TPM4: variants seen among roughly 807,000 people sequenced by gnomAD.
TPM4 encodes the protein tropomyosin 4, also known as tropomyosin alpha-4 chain.
Under a neutral mutation model 35.8 loss-of-function variants are expected in TPM4, and 17 were observed. That is an observed-to-expected ratio of 0.47 (90% CI 0.32 to 0.71). The LOEUF is 0.71. Among genes scored for constraint, TPM4 ranks in the 30% least tolerant of loss-of-function variants. TPM4 has a pLI of 0.03. For missense variants in TPM4, 240 were observed against 320.9 expected (o/e 0.75, Z 1.93); for synonymous variants, 120 against 122.9 (o/e 0.98, Z 0.15).
intron 1 of TPM4, 92 bp downstream of exon 1, chr19:16,076,789 C>T: frequency 3.1e-6 from 4 of 1,281,204 alleles, no homozygotes; most frequent in South Asian, 2.3e-5. Context: ...CGCCCGCGCG[C>T]AGTCCTCGGG....
At chr19:16,081,118 G>C (rs1227738035) in intron 1 of TPM4, 2 of 398,400 alleles carry the variant, frequency 5.0e-6, no homozygotes, top group Non-Finnish European at 8.8e-6. Context: ...CCATAGTCTT[G>C]CATTTATCTT....
chr19:16,101,115 G>A, intron 7 of TPM4, 149 bp from the exon 8 acceptor site: 1 of 540,280 alleles, frequency 1.9e-6, no homozygotes, highest in Non-Finnish European at 3.2e-6. Context: ...AGGTTGCAGT[G>A]AGCCAAGATC....
chr19:16,090,169 G>A (rs2090608092), intron 5 of TPM4, among the ~76,000 whole-genome samples: 1 of 152,072 alleles, frequency 6.6e-6, no homozygotes. Context: ...GGCTGGAAGT[G>A]TAGTGGCGTG....
chr19:16,091,267 G>C (rs182631082), intron 5 of TPM4, among the ~76,000 whole-genome samples: 1 of 151,836 alleles, frequency 6.6e-6, no homozygotes, highest in Non-Finnish European at 1.5e-5. Context: ...GGCCAGGCTC[G>C]TCTCAAACTC....
rs1407670992 is a variant in TPM4 at position 16,070,220 on chromosome 19, A to G, written c.114+2482A>G. On this transcript the variant is annotated intron_variant, in intron 2 of 2. Transcript: ENST00000589897. The surrounding 1 kb of genome is among the most constrained non-coding windows in gnomAD (Gnocchi z 7.4). ...TCCTGGCAGCCAAGAGCCCACACAG[A>G]CCCAGAACTTTGGAGACAAGAGTCC... Among the ~76,000 whole-genome samples, 1 of 152,148 alleles carries G rather than the reference A, an allele frequency of 6.6e-6. No homozygotes were observed. Among genetic ancestry groups the G allele is most frequent in the Non-Finnish European group, 1.5e-5 (1 of 68,024 alleles).
At chr19:16,072,117 G>C (rs532086150), upstream of TPM4, among the ~76,000 whole-genome samples, 1 of 152,340 alleles carries the variant, frequency 6.6e-6, no homozygotes. Flanking sequence ...ACTGCGCCCA[G>C]CTCTCATTTA....
At chr19:16,083,935 A>T (rs188133971) in intron 2 of TPM4, among the ~76,000 whole-genome samples, 1,580 of 150,802 alleles carry the variant, frequency 0.01, 10 homozygotes, top group Non-Finnish European at 0.017. Flanking sequence ...TGCCCAGCTA[A>T]TTTTTTTTTG....
chr19:16,076,002 G>GA (rs760452322), upstream of TPM4: 2 of 1,469,174 alleles, frequency 1.4e-6, no homozygotes, highest in Non-Finnish European at 1.8e-6. Flanking sequence ...TCGGGGACGT[G>GA]ACCCCCCCCC....
At chr19:16,082,176 C>T in intron 2 of TPM4, 130 bp downstream of exon 2, 1 of 1,254,674 alleles carries the variant, frequency 8.0e-7, no homozygotes, top group Non-Finnish European at 1.1e-6. Context: ...CAAAAAAGTG[C>T]ATGACAGCAC....
intron 1 of TPM4, 169 bp downstream of exon 1, chr19:16,076,866 T>A (rs1324409345): frequency 8.2e-6 from 10 of 1,221,036 alleles, no homozygotes; most frequent in Non-Finnish European, 1.0e-5. Context: ...CAGGACCCCC[T>A]ACTTCCTCCG....
At chr19:16,073,515 G>T (rs1246651884), upstream of TPM4, among the ~76,000 whole-genome samples, 1 of 152,214 alleles carries the variant, frequency 6.6e-6, no homozygotes, top group Non-Finnish European at 1.5e-5. Flanking sequence ...GGGGACGGGG[G>T]TCGCAGAGCT....
chr19:16,087,364 G>A (rs757487661), intron 3 of TPM4, among the ~76,000 whole-genome samples: 8 of 152,144 alleles, frequency 5.3e-5, no homozygotes, highest in Non-Finnish European at 1.2e-4. Context: ...ATCACCTGAG[G>A]TCAGGAGTTC....
At chr19:16,087,317 C>T (rs1451688818) in intron 3 of TPM4, among the ~76,000 whole-genome samples, 1 of 152,058 alleles carries the variant, frequency 6.6e-6, no homozygotes, top group Non-Finnish European at 1.5e-5. Flanking sequence ...TGGCTCACGC[C>T]GGTAATCCCA....
chr19:16,077,710 T>TA (rs74744615), intron 1 of TPM4, among the ~76,000 whole-genome samples: 97,876 of 151,884 alleles, frequency 0.64, 31,541 homozygotes, highest in East Asian at 0.75. Context: ...GTCCCAGGAG[T>TA]AAATCTCAGG....
rs970269466 is a variant in TPM4, at chr19:16,099,723, C to G, written c.665-1541C>G. 3 of 152,214 alleles carry G rather than the reference C, an allele frequency of 2.0e-5. No individual in the cohort carries two copies. In the East Asian group the frequency reaches 5.8e-4, roughly 29 times the overall value. 9.4% of individuals were successfully genotyped at this position (152,214 alleles called of 1,614,324 possible). A position where few individuals can be genotyped will look rare whatever the true frequency, so the allele number is the denominator to read the frequency against. On this transcript the variant is annotated intron_variant, in intron 7 of 7. Coordinates refer to ENST00000643579, the MANE Select transcript of TPM4 (RefSeq NM_003290.3). ...AATGAGTCTTGGCCTTGTCCCTTAT[C>G]AGCCATCACTTACTGCAAACTAAGT... is the stretch of plus-strand genomic sequence containing the variant.
chr19:16,093,877 C>T lies in TPM4; in HGVS notation c.664+124C>T, dbSNP rs1302423097. Reference sequence around the variant, plus strand: ...CTTTGTTTGCCTTAGGAAAGTAAAGCGCATAGTGATGTCATATCTGGATGT... The same window carrying T: ...CTTTGTTTGCCTTAGGAAAGTAAAGTGCATAGTGATGTCATATCTGGATGT... On this transcript the variant is annotated intron_variant, in intron 7 of 7. Coordinates refer to ENST00000643579, the MANE Select transcript of TPM4 (RefSeq NM_003290.3). 39 of 973,446 alleles carry T rather than the reference C, an allele frequency of 4.0e-5. No homozygotes were observed. The South Asian group carries it at 4.3e-4, about 11-fold the overall frequency. 60.3% of individuals were successfully genotyped at this position (973,446 alleles called of 1,614,324 possible). A position where few individuals can be genotyped will look rare whatever the true frequency, so the allele number is the denominator to read the frequency against.
At chr19:16,076,010 C>CT (rs755511921), upstream of TPM4, 3 of 1,592,120 alleles carry the variant, frequency 1.9e-6, no homozygotes, top group South Asian at 1.1e-5. Flanking sequence ...GTGACCCCCC[C>CT]CCCAGGCTGA....
chr19:16,092,816 G>A (rs748031956), intron 5 of TPM4, among the ~76,000 whole-genome samples: 1 of 152,164 alleles, frequency 6.6e-6, no homozygotes, highest in Admixed American at 6.6e-5. Context: ...GATTACAGGC[G>A]TGAGCCACCG....
At position 16,067,795 on chromosome 19, in the gene TPM4, G is replaced by T; in HGVS notation, c.114+57G>T. On this transcript the variant is annotated intron_variant, in intron 2 of 2. Transcript: ENST00000589897. This position sits in a 1 kb window ranked among gnomAD's most constrained non-coding sequence, Gnocchi z 4.1. Reference sequence around the variant, plus strand: ...TGCTGGGAGTCCTCTCTGTGCGGAAGGCCGGGGTCTGGAGCCCAGTTGGGG... The same window carrying T: ...TGCTGGGAGTCCTCTCTGTGCGGAATGCCGGGGTCTGGAGCCCAGTTGGGG... 2.6e-6 allele frequency: 4 copies of T among 1,547,582 alleles called. No homozygotes were observed. The highest frequency in any genetic ancestry group is 3.5e-6 in the Non-Finnish European group (4 of 1,143,156).
Sources: gnomAD v4.1 joint callset for allele counts (sites outside exome capture counted in the v4.1 genomes callset) on GRCh38, gnomAD v4.1.1 for gene constraint, Gnocchi (gnomAD v3.1) non-coding constraint, MANE v1.5 for transcripts, NCBI Gene and HGNC (gene_info 2026-07-23, HGNC 2026-07-21) for gene names.